WWOX: variants seen among roughly 807,000 people sequenced by gnomAD.
WWOX encodes WW domain-containing oxidoreductase.
In WWOX, 69 loss-of-function variants were observed where a neutral mutation model predicts 46.2. The observed-to-expected ratio is 1.49, with a 90% CI of 1.23 to 1.82. The LOEUF (loss-of-function observed/expected upper bound fraction) is 1.82. Ranked by LOEUF, WWOX falls within the 40% of genes most tolerant of loss-of-function variation. The pLI is 0.00. For missense variants in WWOX, 919 were observed against 542.6 expected (o/e 1.69, Z -6.89); for synonymous variants, 359 against 202.6 (o/e 1.77, Z -6.56).
chr16:78,794,074 T>C (rs973941761), intron 8 of WWOX, among the ~76,000 whole-genome samples: 1 of 152,078 alleles, frequency 6.6e-6, no homozygotes, highest in Non-Finnish European at 1.5e-5. Flanking sequence ...CCAGCATTCA[T>C]TTGTTAGGAG....
At chr16:78,213,438 C>A (rs974862264) in intron 5 of WWOX, among the ~76,000 whole-genome samples, 2 of 151,360 alleles carry the variant, frequency 1.3e-5, no homozygotes, top group Non-Finnish European at 2.9e-5. Context: ...TGGTCATGCC[C>A]CAATTCGAAA....
At chr16:78,121,849 C>G (rs1036093565) in intron 4 of WWOX, among the ~76,000 whole-genome samples, 2 of 151,988 alleles carry the variant, frequency 1.3e-5, no homozygotes, top group African/African-American at 4.8e-5. Context: ...TTAGTAGAGA[C>G]AAGGTTTTGC....
At chr16:79,008,990 T>C (rs1209693158) in intron 8 of WWOX, among the ~76,000 whole-genome samples, 1 of 152,224 alleles carries the variant, frequency 6.6e-6, no homozygotes, top group Non-Finnish European at 1.5e-5. Flanking sequence ...AGTGCAATTA[T>C]CCCGATTCAG....
chr16:78,523,444 C>G (rs1322723120), intron 8 of WWOX, among the ~76,000 whole-genome samples: 2 of 152,168 alleles, frequency 1.3e-5, no homozygotes, highest in African/African-American at 2.4e-5. Flanking sequence ...ATTACCGAAT[C>G]ATAAATGTTT....
intron 8 of WWOX, among the ~76,000 whole-genome samples, chr16:78,455,185 T>G (rs1480768029): frequency 6.6e-6 from 1 of 152,158 alleles, no homozygotes; most frequent in Admixed American, 6.5e-5. Flanking sequence ...ACGTCTTTAC[T>G]GAGACTTGAA....
rs529218159 is a variant in WWOX at position 78,853,705 on chromosome 16, G to C, written c.1057-357903G>C. 7.9e-5 allele frequency among the ~76,000 whole-genome samples: 12 copies of C among 152,264 alleles called. No individual in the cohort carries two copies. The South Asian group carries it at 2.5e-3, about 32-fold the overall frequency. ...TAATGTAGTATGCACTCTCCTGCGTGGTGGGGGTGTAGTGGGCTTCCTGTT... is the reference window on the plus strand; with the variant it reads ...TAATGTAGTATGCACTCTCCTGCGTCGTGGGGGTGTAGTGGGCTTCCTGTT... On this transcript the variant is annotated intron_variant, in intron 8 of 8. Coordinates refer to ENST00000566780, the MANE Select transcript of WWOX (RefSeq NM_016373.4).
At chr16:78,175,029 T>TAAG (rs67529397) in intron 5 of WWOX, among the ~76,000 whole-genome samples, 9 of 129,742 alleles carry the variant, frequency 6.9e-5, no homozygotes, top group African/African-American at 8.8e-5. Flanking sequence ...ATAATAATAA[T>TAAG]AAGAATCTGA....
chr16:78,477,148 A>G (rs776621847), intron 8 of WWOX, among the ~76,000 whole-genome samples: 21 of 152,322 alleles, frequency 1.4e-4, no homozygotes, highest in Non-Finnish European at 2.9e-4. Flanking sequence ...TTACAATCTA[A>G]ATATTGCTTT....
chr16:78,351,897 T>TA (rs1169644840), intron 5 of WWOX, among the ~76,000 whole-genome samples: 2 of 152,208 alleles, frequency 1.3e-5, no homozygotes, highest in African/African-American at 4.8e-5. Context: ...CCTTAGGTGA[T>TA]ATGCGCCCCT....
At chr16:78,333,673 G>A (rs879708634) in intron 5 of WWOX, among the ~76,000 whole-genome samples, 3 of 152,114 alleles carry the variant, frequency 2.0e-5, no homozygotes, top group Non-Finnish European at 4.4e-5. Context: ...TACTTCATAA[G>A]CAGGAGGCAT....
In WWOX at chr16:79,184,449, C is replaced by T. The variant is rs534109239; in HGVS notation, c.1057-27159C>T. On this transcript the variant is annotated intron_variant, in intron 8 of 8. Coordinates refer to ENST00000566780, the MANE Select transcript of WWOX (RefSeq NM_016373.4). ...AAATTCACCAGACCACCAATTTCCA[C>T]GCCTTGTATGTTTCTGTTGTCTTTG... 7.9e-5 allele frequency among the ~76,000 whole-genome samples: 12 copies of T among 152,340 alleles called. No individual in the cohort carries two copies. In the South Asian group the frequency reaches 1.9e-3, roughly 24 times the overall value.
chr16:78,921,702 G>A (rs1411203600), intron 8 of WWOX, among the ~76,000 whole-genome samples: 1 of 152,154 alleles, frequency 6.6e-6, no homozygotes, highest in Non-Finnish European at 1.5e-5. Context: ...AACTGTTAAA[G>A]TAAGCAGAGT....
intron 8 of WWOX, among the ~76,000 whole-genome samples, chr16:79,095,834 G>A (rs2049056636): frequency 6.7e-6 from 1 of 149,264 alleles, no homozygotes; most frequent in Admixed American, 6.7e-5. Context: ...CCTCCCGCCT[G>A]GATCACTGCT....
At chr16:78,229,395 GT>G (rs1425670855) in intron 5 of WWOX, among the ~76,000 whole-genome samples, 2 of 150,362 alleles carry the variant, frequency 1.3e-5, no homozygotes, top group Admixed American at 1.3e-4. Context: ...AGAAGCCTTT[GT>G]TTTTGTTGTC....
At chr16:78,731,755 C>T (rs1033206427) in intron 8 of WWOX, among the ~76,000 whole-genome samples, 1 of 151,986 alleles carries the variant, frequency 6.6e-6, no homozygotes, top group African/African-American at 2.4e-5. Flanking sequence ...CAGTAGTTCC[C>T]TGTCATGAAT....
At chr16:78,635,500 C>T (rs1020791725) in intron 8 of WWOX, among the ~76,000 whole-genome samples, 15 of 152,156 alleles carry the variant, frequency 9.9e-5, no homozygotes, top group Non-Finnish European at 2.2e-4. Flanking sequence ...GGGTTCATAT[C>T]CTGGCTGGGC....
At chr16:78,448,877 G>A (rs2083622151) in intron 8 of WWOX, among the ~76,000 whole-genome samples, 1 of 152,150 alleles carries the variant, frequency 6.6e-6, no homozygotes, top group Admixed American at 6.5e-5. Flanking sequence ...GGGCTGTTTA[G>A]CATGGAAATA....
At chr16:78,856,642 C>G (rs944892665) in intron 8 of WWOX, among the ~76,000 whole-genome samples, 5 of 151,794 alleles carry the variant, frequency 3.3e-5, no homozygotes, top group African/African-American at 1.2e-4. Flanking sequence ...GACTCTGTCT[C>G]AGAAAGAGGA....
intron 5 of WWOX, among the ~76,000 whole-genome samples, chr16:78,179,469 A>G (rs2035458465): frequency 6.6e-6 from 1 of 152,212 alleles, no homozygotes; most frequent in Non-Finnish European, 1.5e-5. Flanking sequence ...TAGGCAATTA[A>G]TTAATTATAG....
Sources: allele counts gnomAD v4.1 joint callset (sites outside exome capture counted in the v4.1 genomes callset), GRCh38; gene constraint gnomAD v4.1.1; transcripts MANE v1.5; gene names NCBI Gene and HGNC (gene_info 2026-07-23, HGNC 2026-07-21).